The following TENM2 variants were observed in gnomAD, a reference collection of about 807,000 sequenced individuals.
TENM2 encodes teneurin-2.
Under a neutral mutation model 245.2 loss-of-function variants are expected in TENM2, and 52 were observed. The observed-to-expected ratio is 0.21, with a 90% CI of 0.17 to 0.27. TENM2 has a LOEUF of 0.27. Among genes scored for constraint, TENM2 ranks in the 10% least tolerant of loss-of-function variants. TENM2 has a pLI of 1.00. For missense variants in TENM2, 3,046 were observed against 3,666.8 expected, an observed-to-expected ratio of 0.83 and a Z score of 4.37; for synonymous variants, 1,363 against 1,438.9, an observed-to-expected ratio of 0.95 and a Z score of 1.19.
chr5:168,060,410 T>G (rs753532376), intron 6 of TENM2, among the ~76,000 whole-genome samples: 1 of 151,996 alleles, frequency 6.6e-6, no homozygotes, highest in Admixed American at 6.6e-5. Context: ...TGAGACCCTG[T>G]CTCAAAAAAA....
intron 2 of TENM2, among the ~76,000 whole-genome samples, chr5:167,486,787 G>A (rs534875885): frequency 6.6e-6 from 1 of 152,170 alleles, no homozygotes; most frequent in South Asian, 2.1e-4. Flanking sequence ...GATTGGAGGT[G>A]ACAACCCCAT....
At chr5:167,872,628 G>A (rs994998135) in intron 2 of TENM2, among the ~76,000 whole-genome samples, 13 of 152,178 alleles carry the variant, frequency 8.5e-5, no homozygotes, top group African/African-American at 2.9e-4. Flanking sequence ...AGAAATTTCC[G>A]AAGTAATGGT....
At chr5:167,549,403 A>G (rs960680127) in intron 2 of TENM2, among the ~76,000 whole-genome samples, 5 of 152,272 alleles carry the variant, frequency 3.3e-5, no homozygotes, top group African/African-American at 7.2e-5. Flanking sequence ...TTGATTAAAT[A>G]TCTACTGAAT....
intron 3 of TENM2, among the ~76,000 whole-genome samples, chr5:167,899,887 A>G (rs1775546228): frequency 6.6e-6 from 1 of 152,128 alleles, no homozygotes; most frequent in Non-Finnish European, 1.5e-5. Context: ...GAACAAAGAG[A>G]AATAAAAGCA....
intron 2 of TENM2, among the ~76,000 whole-genome samples, chr5:167,663,180 G>GAGAGAGAGAA (rs1755347241): frequency 1.4e-5 from 2 of 139,096 alleles, no homozygotes; most frequent in African/African-American, 5.8e-5. Context: ...GAGAGAGAGA[G>GAGAGAGAGAA]AGAGAGAAAG....
chr5:168,112,605 G>GT (rs1554199665), intron 9 of TENM2, among the ~76,000 whole-genome samples: 1 of 119,636 alleles, frequency 8.4e-6, no homozygotes, highest in African/African-American at 3.4e-5. Context: ...TGTGCAGTGG[G>GT]CGGGGGGGGG....
At chr5:167,626,883 C>T (rs908081788) in intron 2 of TENM2, among the ~76,000 whole-genome samples, 12 of 152,118 alleles carry the variant, frequency 7.9e-5, no homozygotes, top group African/African-American at 2.2e-4. Context: ...ACACCGGGGC[C>T]GCCACAGTGG....
chr5:168,001,541 A>G (rs1221336643), intron 5 of TENM2, among the ~76,000 whole-genome samples: 1 of 152,256 alleles, frequency 6.6e-6, no homozygotes, highest in Non-Finnish European at 1.5e-5. Context: ...ATTATATGGT[A>G]AATTAGGTCT....
chr5:168,164,178 T>C (rs1758005987), intron 13 of TENM2, among the ~76,000 whole-genome samples: 3 of 152,226 alleles, frequency 2.0e-5, no homozygotes, highest in Admixed American at 1.3e-4. Context: ...AAAACAGTTG[T>C]CATGGAGGCC....
At chr5:167,459,685 C>T (rs930444248) in intron 2 of TENM2, among the ~76,000 whole-genome samples, 1 of 152,096 alleles carries the variant, frequency 6.6e-6, no homozygotes, top group African/African-American at 2.4e-5. Flanking sequence ...CTGTTATTTT[C>T]TTTATTTAAA....
chr5:168,218,005 T>C lies in TENM2; in HGVS notation c.4234-120T>C, dbSNP rs3756603. 43,105 of 1,044,328 alleles carry C rather than the reference T, an allele frequency of 0.041. 3,775 individuals carry two copies. Among genetic ancestry groups the C allele is most frequent in the East Asian group, 0.28 (11,645 of 41,124 alleles). The allele number at this position is 1,044,328 out of a possible 1,614,324, so 64.7% of individuals were successfully genotyped here. On this transcript the variant is annotated intron_variant, in intron 22 of 28. Transcript: ENST00000518659. The surrounding 1 kb of genome is among the most constrained non-coding windows in gnomAD (Gnocchi z 5.2). Reference sequence around the variant, plus strand: ...CTGGTTCAATGAAGAGCATTTCTAATACAATGTGTTATTAAAAAGCTGTCT... The same window carrying C: ...CTGGTTCAATGAAGAGCATTTCTAACACAATGTGTTATTAAAAAGCTGTCT...
chr5:167,821,921 T>G (rs993387009), intron 2 of TENM2, among the ~76,000 whole-genome samples: 4 of 152,110 alleles, frequency 2.6e-5, no homozygotes, highest in African/African-American at 9.7e-5. Flanking sequence ...TCTCTCTGCT[T>G]GGACAAATGC....
At chr5:168,135,460 C>G (rs1045313421) in intron 12 of TENM2, among the ~76,000 whole-genome samples, 6 of 152,114 alleles carry the variant, frequency 3.9e-5, no homozygotes, top group Non-Finnish European at 7.4e-5. Flanking sequence ...TCTTGAAAAC[C>G]TGCCAGTCAA....
chr5:167,772,890 T>C (rs991100159), intron 2 of TENM2, among the ~76,000 whole-genome samples: 2 of 152,226 alleles, frequency 1.3e-5, no homozygotes, highest in Non-Finnish European at 2.9e-5. Context: ...AATTCTTTTC[T>C]TTCCTCCAGA....
chr5:167,045,866 T>C, the TENM2 span, among the ~76,000 whole-genome samples: 1 of 152,192 alleles, frequency 6.6e-6, no homozygotes, highest in Non-Finnish European at 1.5e-5. Context: ...ATCTGCACTT[T>C]ACGAGATTGA....
chr5:168,131,492 T>C lies in TENM2; in HGVS notation c.2422+4526T>C, dbSNP rs567715524. Among the ~76,000 whole-genome samples the C allele has an allele frequency of 3.9e-5, 6 of 152,172 alleles. No homozygotes were observed. In the South Asian group the frequency reaches 1.2e-3, roughly 32 times the overall value. ...TTAATTGGTTGGGGAAAGAAATCGGTGCTTGTGATGTTAATAAGGAAAATG... is the reference window on the plus strand; with the variant it reads ...TTAATTGGTTGGGGAAAGAAATCGGCGCTTGTGATGTTAATAAGGAAAATG... On this transcript the variant is annotated intron_variant, in intron 12 of 28. Coordinates refer to ENST00000518659, the Ensembl canonical transcript of TENM2.
intron 3 of TENM2, among the ~76,000 whole-genome samples, chr5:167,920,997 A>G (rs567197166): frequency 3.3e-5 from 5 of 152,350 alleles, no homozygotes; most frequent in Non-Finnish European, 5.9e-5. Flanking sequence ...TCGGGTCCTG[A>G]TGATATATTG....
intron 2 of TENM2, among the ~76,000 whole-genome samples, chr5:167,575,176 T>A (rs954325898): frequency 6.6e-6 from 1 of 150,806 alleles, no homozygotes; most frequent in Admixed American, 6.6e-5. Flanking sequence ...TAATTAAGGA[T>A]AACAGAAATC....
intron 2 of TENM2, among the ~76,000 whole-genome samples, chr5:167,734,141 C>T (rs1760634734): frequency 1.3e-5 from 2 of 152,088 alleles, no homozygotes; most frequent in Admixed American, 1.3e-4. Flanking sequence ...AATTACTGTA[C>T]CAAATGAAAA....
Sources: allele counts gnomAD v4.1 joint callset (sites outside exome capture counted in the v4.1 genomes callset), GRCh38; gene constraint gnomAD v4.1.1; non-coding constraint Gnocchi (gnomAD v3.1); transcripts MANE v1.5; gene names NCBI Gene and HGNC (gene_info 2026-07-23, HGNC 2026-07-21).